The following FBXO16 variants were observed in gnomAD, a reference collection of about 807,000 sequenced individuals.
The protein encoded by FBXO16 is F-box only protein 16.
Under a neutral mutation model 41.0 loss-of-function variants are expected in FBXO16, and 31 were observed. The ratio of observed to expected loss-of-function variants is 0.76; its 90% CI spans 0.57 to 1.02. The LOEUF (loss-of-function observed/expected upper bound fraction) is 1.02. Among genes scored for constraint, FBXO16 ranks in the 50% least tolerant of loss-of-function variants. The pLI, the probability that FBXO16 is intolerant of heterozygous loss-of-function variation, is 0.00. For missense variants in FBXO16, 361 were observed against 346.2 expected (o/e 1.04, Z -0.34); for synonymous variants, 133 against 117.8 (o/e 1.13, Z -0.84).
intron 2 of FBXO16, among the ~76,000 whole-genome samples, chr8:28,476,426 A>C (rs1268987112): frequency 6.6e-6 from 1 of 152,148 alleles, no homozygotes; most frequent in Non-Finnish European, 1.5e-5. Context: ...TTGGGCAGAT[A>C]ATTTTGTTGT....
chr8:28,447,404 A>T, intron 6 of FBXO16, 131 bp from the exon 7 acceptor site: 2 of 731,914 alleles, frequency 2.7e-6, no homozygotes, highest in South Asian at 3.5e-5. Context: ...ACTGGAAATA[A>T]GCCAAATGTC....
intron 3 of FBXO16, among the ~76,000 whole-genome samples, chr8:28,471,805 CAAAAAA>C (rs557259701): frequency 0.088 from 2,088 of 23,600 alleles, 33 homozygotes; most frequent in East Asian, 0.3. Context: ...CAGAGAATCT[CAAAAAA>C]AAAAAAAAAA....
At chr8:28,485,031 T>C (rs1803580408) in intron 1 of FBXO16, among the ~76,000 whole-genome samples, 2 of 152,054 alleles carry the variant, frequency 1.3e-5, no homozygotes, top group Non-Finnish European at 2.9e-5. Context: ...TTTTGATATA[T>C]ACACTCAGGG....
chr8:28,430,556 G>A (rs548098987), intron 7 of FBXO16, among the ~76,000 whole-genome samples: 1 of 152,148 alleles, frequency 6.6e-6, no homozygotes, highest in East Asian at 1.9e-4. Flanking sequence ...TGAAGTTTTC[G>A]GTGTTGTTTA....
At chr8:28,437,090 A>G (rs776536683) in intron 7 of FBXO16, among the ~76,000 whole-genome samples, 4 of 152,246 alleles carry the variant, frequency 2.6e-5, no homozygotes, top group Non-Finnish European at 5.9e-5. Context: ...GGTAACAGTG[A>G]CTAAAGCATG....
rs1363064125 is a variant in FBXO16, at chr8:28,428,465, A to G, written c.*262T>C. The G allele has an allele frequency of 2.5e-6, 3 of 1,191,386 alleles. No homozygotes were observed. The highest frequency in any genetic ancestry group is 3.4e-6 in the Non-Finnish European group (3 of 874,692). 73.8% of individuals were successfully genotyped at this position (1,191,386 alleles called of 1,614,324 possible). A position where few individuals can be genotyped will look rare whatever the true frequency, so the allele number is the denominator to read the frequency against. Reference sequence around the variant, plus strand: ...CGTAGGACTCACTACCACAATAAGTACTTAAGCTGAAAGAGTTTCTAATGG... The same window carrying G: ...CGTAGGACTCACTACCACAATAAGTGCTTAAGCTGAAAGAGTTTCTAATGG... On this transcript the variant is annotated 3_prime_UTR_variant, in exon 9 of 9. Coordinates refer to ENST00000380254, the MANE Select transcript of FBXO16 (RefSeq NM_172366.4).
chr8:28,429,448 AAG>A, intron 7 of FBXO16, 45 bp from the exon 8 acceptor site: 1 of 1,610,952 alleles, frequency 6.2e-7, no homozygotes, highest in Admixed American at 1.7e-5. Context: ...GAGGAAAAGA[AAG>A]AAATAATCCG....
chr8:28,482,197 T>C (rs151195307), intron 2 of FBXO16, among the ~76,000 whole-genome samples: 1 of 152,308 alleles, frequency 6.6e-6, no homozygotes, highest in East Asian at 1.9e-4. Context: ...GGCTAACTTA[T>C]TAGCTTGTAA....
intron 7 of FBXO16, among the ~76,000 whole-genome samples, chr8:28,441,764 T>G (rs1332073867): frequency 7.5e-6 from 1 of 133,084 alleles, no homozygotes; most frequent in Admixed American, 7.4e-5. Flanking sequence ...AAAAAAAAAA[T>G]ATTGTATGTC....
chr8:28,464,827 T>C (rs578116147), intron 3 of FBXO16, among the ~76,000 whole-genome samples: 7 of 152,174 alleles, frequency 4.6e-5, no homozygotes, highest in Non-Finnish European at 8.8e-5. Context: ...CTAACTTTAG[T>C]ATTTTTAGTA....
At position 28,463,767 on chromosome 8, in the gene FBXO16, C is replaced by T. The variant is rs752607916; in HGVS notation, c.187G>A (p.Glu63Lys). Reference sequence around the variant, plus strand: ...TTTTGCTGGGACAGCGAGCAGCGCTCCAACAGGCCTGTGAGGATTCTTCTT... The same window carrying T: ...TTTTGCTGGGACAGCGAGCAGCGCTTCAACAGGCCTGTGAGGATTCTTCTT... ...QRRRILTGLL[E>K]RCSLSQQKFC... Residue 63 changes from glutamate (E) to lysine (K), a missense_variant, in exon 4 of 9, where the codon GAG (glutamate) becomes AAG (lysine). Physicochemically the swap from Glu to Lys is moderately conservative, Grantham distance 56. Transcript: ENST00000380254. 6 of 1,614,104 alleles carry T rather than the reference C, an allele frequency of 3.7e-6. No individual in the cohort carries two copies. In the East Asian group the frequency reaches 1.3e-4, roughly 36 times the overall value.
chr8:28,461,676 T>C (rs1803137174), intron 4 of FBXO16, among the ~76,000 whole-genome samples: 1 of 152,196 alleles, frequency 6.6e-6, no homozygotes, highest in Non-Finnish European at 1.5e-5. Context: ...GGCGTTCTGT[T>C]CCATGAAGAA....
At chr8:28,483,215 T>A in intron 2 of FBXO16, 133 bp downstream of exon 2, 1 of 798,208 alleles carries the variant, frequency 1.3e-6, no homozygotes, top group Non-Finnish European at 1.9e-6. Flanking sequence ...TTTTGGAATA[T>A]CTTCATTTTG....
chr8:28,432,993 G>A (rs1029729852), intron 7 of FBXO16, among the ~76,000 whole-genome samples: 2 of 151,602 alleles, frequency 1.3e-5, no homozygotes, highest in South Asian at 2.1e-4. Flanking sequence ...CTTGGGAGGC[G>A]GAGGTTGCAG....
chr8:28,487,633 G>A (rs1316639684), intron 1 of FBXO16, among the ~76,000 whole-genome samples: 4 of 152,004 alleles, frequency 2.6e-5, no homozygotes, highest in African/African-American at 9.7e-5. Context: ...GACCTCAAGT[G>A]ATCTGCCTAC....
intron 2 of FBXO16, 25 bp downstream of exon 2, chr8:28,483,323 T>C: frequency 1.3e-6 from 2 of 1,569,986 alleles, no homozygotes; most frequent in Non-Finnish European, 1.7e-6. Context: ...TGGATTCAAT[T>C]GTTAAAATAG....
intron 2 of FBXO16, among the ~76,000 whole-genome samples, chr8:28,480,892 G>C (rs533336250): frequency 5.9e-5 from 9 of 152,326 alleles, no homozygotes; most frequent in Admixed American, 5.9e-4. Context: ...TCATGCATGG[G>C]AGTTGACTGG....
chr8:28,443,842 G>A (rs953292842), intron 7 of FBXO16, among the ~76,000 whole-genome samples: 4 of 152,130 alleles, frequency 2.6e-5, no homozygotes, highest in Non-Finnish European at 4.4e-5. Context: ...GCTACACTCC[G>A]ATTACTGCCA....
At chr8:28,444,463 C>T (rs1022791609) in intron 7 of FBXO16, among the ~76,000 whole-genome samples, 12 of 149,130 alleles carry the variant, frequency 8.0e-5, no homozygotes, top group South Asian at 2.1e-4. Context: ...CCAACATGCC[C>T]GGCTAATTTT....
Sources: gnomAD v4.1 joint callset for allele counts (sites outside exome capture counted in the v4.1 genomes callset) on GRCh38, gnomAD v4.1.1 for gene constraint, MANE v1.5 for transcripts, NCBI Gene and HGNC (gene_info 2026-07-23, HGNC 2026-07-21) for gene names.